PEAR1: variants seen among roughly 807,000 people sequenced by gnomAD.
The protein encoded by PEAR1 is platelet endothelial aggregation receptor 1.
In PEAR1, 113 loss-of-function variants were observed where a neutral mutation model predicts 131.2. The observed-to-expected ratio is 0.86, with a 90% confidence interval of 0.74 to 1.01. The LOEUF is 1.01. Ranked by LOEUF, PEAR1 falls within the 50% of genes least tolerant of loss-of-function variation. PEAR1 has a pLI of 0.00. For missense variants in PEAR1, 1,408 were observed against 1,391.1 expected (o/e 1.01, Z -0.19); for synonymous variants, 565 against 523.3 (o/e 1.08, Z -1.09).
At position 156,907,990 on chromosome 1, in the gene PEAR1, G is replaced by A. The variant is rs145275734; in HGVS notation, c.841G>A (p.Gly281Ser). 1.3e-6 allele frequency: 2 copies of A among 1,574,768 alleles called. No homozygotes were observed. Among genetic ancestry groups the A allele is most frequent in the Non-Finnish European group, 8.6e-7 (1 of 1,159,386 alleles). The change falls in exon 8 of 23, where the codon GGC (glycine) becomes AGC (serine). Residue 281 changes from glycine (G) to serine (S), a missense_variant. Transcript: ENST00000292357. Reference protein sequence around the residue: ...NCSQECRCHNGGLCDRFTGQC... With the variant: ...NCSQECRCHNSGLCDRFTGQC... ...CTCCCAGGAATGTCGCTGCCACAACGGCGGCCTCTGTGACCGATTCACTGG... is the reference window on the plus strand; with the variant it reads ...CTCCCAGGAATGTCGCTGCCACAACAGCGGCCTCTGTGACCGATTCACTGG...
chr1:156,909,053 T>C lies in PEAR1; in HGVS notation c.1411+17T>C. ...GCAAGGAAGGTAATAGGGTGGAGTTTCCCAGAGAGAAGACTTGGGGGATGG... is the reference window on the plus strand; with the variant it reads ...GCAAGGAAGGTAATAGGGTGGAGTTCCCCAGAGAGAAGACTTGGGGGATGG... On this transcript the variant is annotated intron_variant, in intron 11 of 22. Transcript: ENST00000292357. 1 of 1,613,570 alleles carries C rather than the reference T, an allele frequency of 6.2e-7. No individual in the cohort carries two copies. The highest frequency in any genetic ancestry group is 1.1e-5 in the South Asian group (1 of 91,038).
chr1:156,912,591 C>T lies in PEAR1; in HGVS notation c.2178C>T (p.Pro726=). The change falls in exon 17 of 23, where the codon CCC becomes CCT. Residue 726 remains proline (P), a synonymous_variant. Transcript: ENST00000292357. The stretch of plus-strand genomic sequence containing the variant: ...CAGAGACTGGGGCCTGTGTATGTCC[C>T]CCAGGGCACAGTGGTGCACCTTGCA... The part of the protein sequence containing the change: ...CHPETGACVC[P]PGHSGAPCRI... 2.5e-6 allele frequency: 4 copies of T among 1,614,008 alleles called. No individual in the cohort carries two copies. The highest frequency in any genetic ancestry group is 1.6e-4 in the Middle Eastern group (1 of 6,062).
At chr1:156,895,742 GGA>G (rs1649098260) in intron 1 of PEAR1, among the ~76,000 whole-genome samples, 2 of 150,882 alleles carry the variant, frequency 1.3e-5, no homozygotes, top group East Asian at 1.9e-4. Flanking sequence ...AGGGAGAGGA[GGA>G]GAAAGTCAGA....
chr1:156,906,585 TG>T, intron 5 of PEAR1, 51 bp from the exon 6 acceptor site: 1 of 1,605,682 alleles, frequency 6.2e-7, no homozygotes, highest in South Asian at 1.1e-5. Context: ...ACGGGGAGGC[TG>T]GGGATGGACT....
intron 4 of PEAR1, 73 bp from the exon 5 acceptor site, chr1:156,906,203 G>T (rs1459881953): frequency 7.1e-7 from 1 of 1,409,178 alleles, no homozygotes; most frequent in Non-Finnish European, 1.0e-6. Context: ...GGAAGGTGGG[G>T]TTAGGCTTTG....
At chr1:156,910,510 C>A in intron 14 of PEAR1, 108 bp from the exon 15 acceptor site, 1 of 1,553,460 alleles carries the variant, frequency 6.4e-7, no homozygotes, top group Non-Finnish European at 8.7e-7. Flanking sequence ...TCCTCTGACC[C>A]GTCTTCAGAC....
intron 6 of PEAR1, among the ~76,000 whole-genome samples, chr1:156,907,403 T>C (rs1650454276): frequency 6.6e-6 from 1 of 152,058 alleles, no homozygotes; most frequent in Admixed American, 6.5e-5. Flanking sequence ...CGTGGCTCTT[T>C]GCTCACCCCC....
intron 22 of PEAR1, 25 bp downstream of exon 22, chr1:156,914,125 G>A: frequency 6.4e-7 from 1 of 1,552,510 alleles, no homozygotes; most frequent in East Asian, 2.3e-5. Flanking sequence ...TCCACTGGCA[G>A]GAGCAGCAGA....
Position 156,914,735 on chromosome 1 carries a change from A to G in PEAR1, c.3051A>G (p.Gly1017=). The G allele has an allele frequency of 2.5e-6, 4 of 1,614,044 alleles. No homozygotes were observed. In the South Asian group the frequency reaches 4.4e-5, roughly 18 times the overall value. The part of the protein sequence containing the change: ...YDSPKNSHIP[G]HYDLPPVRHP... ...CACCCAAGAACAGCCACATCCCTGGACATTATGACTTGCCTCCAGTACGGC... is the reference window on the plus strand; with the variant it reads ...CACCCAAGAACAGCCACATCCCTGGGCATTATGACTTGCCTCCAGTACGGC... The change falls in exon 23 of 23, where the codon GGA becomes GGG. Residue 1017 remains glycine, a synonymous_variant. Transcript: ENST00000292357.
At chr1:156,897,560 C>T (rs993161623) in intron 1 of PEAR1, among the ~76,000 whole-genome samples, 2 of 152,230 alleles carry the variant, frequency 1.3e-5, no homozygotes, top group African/African-American at 4.8e-5. Context: ...CCTCCAGGGA[C>T]AGGTGCATGT....
intron 6 of PEAR1, 85 bp from the exon 7 acceptor site, chr1:156,907,525 G>A (rs2102997196): frequency 6.5e-7 from 1 of 1,534,824 alleles, no homozygotes; most frequent in African/African-American, 1.4e-5. Context: ...TCCTGAGGTG[G>A]GGGTTGTGGG....
intron 15 of PEAR1, 42 bp from the exon 16 acceptor site, chr1:156,912,205 A>T (rs749689328): frequency 6.4e-7 from 1 of 1,569,406 alleles, no homozygotes; most frequent in East Asian, 2.3e-5. Flanking sequence ...ATCCAGGAAA[A>T]GCTGTACCTG....
rs1422605215 is a variant in PEAR1 at position 156,903,993 on chromosome 1, C to T, written c.67C>T (p.Pro23Ser). ...CCTGCGGCTGGCTGGAACTCTCAAC[C>T]CCAGTGATCCCAATACCTGCAGCTT... Reference protein sequence around the residue: ...VGLRLAGTLNPSDPNTCSFWE... With the variant: ...VGLRLAGTLNSSDPNTCSFWE... The change falls in exon 2 of 23, where the codon CCC becomes TCC. Residue 23 changes from proline (P) to serine (S), a missense_variant. Pro to Ser is a moderately conservative substitution (Grantham distance 74, BLOSUM62 -1). Coordinates refer to ENST00000292357, the MANE Select transcript of PEAR1 (RefSeq NM_001080471.3). 1.9e-6 allele frequency: 3 copies of T among 1,613,960 alleles called. No homozygotes were observed. The highest frequency in any genetic ancestry group is 1.7e-5 in the Admixed American group (1 of 59,996).
intron 15 of PEAR1, among the ~76,000 whole-genome samples, 196 bp from the exon 16 acceptor site, chr1:156,912,051 C>T (rs774001584): frequency 6.6e-6 from 1 of 152,122 alleles, no homozygotes; most frequent in East Asian, 1.9e-4. Flanking sequence ...TAGTTGGACA[C>T]GTGGGTCTGG....
chr1:156,912,206 G>C, intron 15 of PEAR1, 41 bp from the exon 16 acceptor site: 1 of 1,571,852 alleles, frequency 6.4e-7, no homozygotes, highest in Non-Finnish European at 8.6e-7. Flanking sequence ...TCCAGGAAAA[G>C]CTGTACCTGC....
intron 15 of PEAR1, among the ~76,000 whole-genome samples, chr1:156,911,407 G>A (rs770196471): frequency 6.6e-6 from 1 of 150,592 alleles, no homozygotes; most frequent in Non-Finnish European, 1.5e-5. Flanking sequence ...AGCCTCCCCA[G>A]TAGCTGGGAT....
In PEAR1 at chr1:156,905,401, A is replaced by T. The variant is rs143451556; in HGVS notation, c.284A>T (p.Tyr95Phe). ...CGCCTGCAGTGCTGCCATGGCTTCT[A>T]TGAGAGCAGGGGGTTCTGTGTCCGT... ...RQRLQCCHGF[Y>F]ESRGFCVPLC... The change falls in exon 4 of 23, where the codon TAT (tyrosine) becomes TTT (phenylalanine). Residue 95 changes from tyrosine (Y) to phenylalanine (F), a missense_variant. By Grantham distance (22) the Tyr-to-Phe change is conservative. Transcript: ENST00000292357. 3.7e-6 allele frequency: 6 copies of T among 1,607,540 alleles called. No individual in the cohort carries two copies. The highest frequency in any genetic ancestry group is 5.1e-6 in the Non-Finnish European group (6 of 1,176,904).
chr1:156,914,058 A>G lies in PEAR1; in HGVS notation c.2920A>G (p.Arg974Gly), dbSNP rs1001292493. The change falls in exon 22 of 23, where the codon AGA becomes GGA. Residue 974 changes from arginine to glycine, a missense_variant. Coordinates refer to ENST00000292357, the MANE Select transcript of PEAR1 (RefSeq NM_001080471.3). ...GAGGCGGCGGCAACCCCAGCCACAG[A>G]GAGACAGTGGCACCTACGAGCAGCC... ...SQRRRQPQPQ[R>G]DSGTYEQPSP... is the part of the protein sequence containing the mutation. 1 of 1,607,964 alleles carries G rather than the reference A, an allele frequency of 6.2e-7. No individual in the cohort carries two copies. The highest frequency in any genetic ancestry group is 1.1e-5 in the South Asian group (1 of 89,970).
At chr1:156,913,050 C>A (rs1651425036) in intron 18 of PEAR1, 68 bp downstream of exon 18, 1 of 1,591,222 alleles carries the variant, frequency 6.3e-7, no homozygotes, top group Non-Finnish European at 8.6e-7. Flanking sequence ...GGATGCTGGG[C>A]ATGACCCAAA....
Sources: allele counts gnomAD v4.1 joint callset (sites outside exome capture counted in the v4.1 genomes callset), GRCh38; gene constraint gnomAD v4.1.1; transcripts MANE v1.5; gene names NCBI Gene and HGNC (gene_info 2026-07-23, HGNC 2026-07-21).